DACH2: variants seen among roughly 807,000 people sequenced by gnomAD.
DACH2 encodes dachshund family transcription factor 2, also known as dachshund homolog 2.
In DACH2, 17 loss-of-function variants were observed where a neutral mutation model predicts 35.8. The ratio of observed to expected loss-of-function variants is 0.48; its 90% confidence interval spans 0.33 to 0.71. DACH2 has a LOEUF of 0.71. DACH2 is among the 30% of genes least tolerant of loss of function. DACH2 has a pLI of 0.02. For missense variants in DACH2, 469 were observed against 472.7 expected (o/e 0.99, Z 0.07); for synonymous variants, 195 against 177.3 (o/e 1.10, Z -0.79).
intron 7 of DACH2, among the ~76,000 whole-genome samples, chrX:86,808,815 A>T (rs767911741): frequency 1.3e-4 from 14 of 111,527 alleles, no homozygotes; most frequent in African/African-American, 4.5e-4. Context: ...CCTGTATCAC[A>T]ATCCTTAAAG....
intron 1 of DACH2, among the ~76,000 whole-genome samples, chrX:86,358,079 T>A (rs1189932190): frequency 2.7e-5 from 3 of 111,758 alleles, no homozygotes; most frequent in African/African-American, 9.8e-5. Flanking sequence ...ATCCTCCCTG[T>A]CATGTCCTCT....
At chrX:86,517,168 A>T (rs2038481091) in intron 3 of DACH2, among the ~76,000 whole-genome samples, 1 of 111,385 alleles carries the variant, frequency 9.0e-6, no homozygotes, top group African/African-American at 3.3e-5. Flanking sequence ...TTACACTTCC[A>T]CCAACAATGT....
intron 2 of DACH2, among the ~76,000 whole-genome samples, chrX:86,414,443 A>G (rs752722874): frequency 1.6e-4 from 18 of 110,891 alleles, no homozygotes; most frequent in Non-Finnish European, 3.4e-4. Context: ...CTATCTTGGG[A>G]TCCAATTATT....
intron 1 of DACH2, among the ~76,000 whole-genome samples, chrX:86,182,642 A>G (rs1217983339): frequency 9.0e-6 from 1 of 111,144 alleles, no homozygotes; most frequent in Non-Finnish European, 1.9e-5. Context: ...TTTGCTTCAA[A>G]TTTTCTTGGC....
At chrX:86,581,210 A>G (rs961719465) in intron 3 of DACH2, among the ~76,000 whole-genome samples, 4 of 112,057 alleles carry the variant, frequency 3.6e-5, no homozygotes, top group African/African-American at 1.3e-4. Flanking sequence ...TCTGCCTTCT[A>G]AGAGATCCTG....
rs776421613 is a variant in DACH2, at chrX:86,784,651, T to A, written c.1241-28205T>A. Among the ~76,000 whole-genome samples the A allele has an allele frequency of 9.8e-5, 11 of 112,045 alleles. No homozygotes were observed. The East Asian group carries it at 3.1e-3, about 32-fold the overall frequency. ...GGATATATGGCCAAAGGACTATAAA[T>A]CAGTCTATCATAAAGACACATGAGT... is the stretch of plus-strand genomic sequence containing the variant. On this transcript the variant is annotated intron_variant, in intron 7 of 11. Transcript: ENST00000373125.
chrX:86,595,333 A>G (rs751606481), intron 3 of DACH2, among the ~76,000 whole-genome samples: 1 of 110,981 alleles, frequency 9.0e-6, no homozygotes, highest in Admixed American at 9.7e-5. Flanking sequence ...AGCTGTTCTC[A>G]AACTTTTGGC....
chrX:86,403,304 A>C (rs1227769817), intron 2 of DACH2, among the ~76,000 whole-genome samples: 1 of 112,079 alleles, frequency 8.9e-6, no homozygotes, highest in Non-Finnish European at 1.9e-5. Context: ...GGTCTAATAT[A>C]CAGAATCTAT....
chrX:86,462,291 A>G (rs186683449), intron 2 of DACH2, among the ~76,000 whole-genome samples: 1 of 111,898 alleles, frequency 8.9e-6, no homozygotes, highest in African/African-American at 3.2e-5. Context: ...TATAAAACAA[A>G]TATTATTGTT....
intron 2 of DACH2, among the ~76,000 whole-genome samples, chrX:86,430,809 A>T (rs749568316): frequency 9.8e-5 from 11 of 112,220 alleles, no homozygotes; most frequent in Non-Finnish European, 1.9e-4. Flanking sequence ...TGCTCACGTA[A>T]CTCAAACCTA....
chrX:86,422,084 G>A (rs1475809896), intron 2 of DACH2, among the ~76,000 whole-genome samples: 1 of 111,303 alleles, frequency 9.0e-6, no homozygotes, highest in Admixed American at 9.6e-5. Flanking sequence ...AAATCTCAAT[G>A]TGTAAATATA....
intron 4 of DACH2, among the ~76,000 whole-genome samples, chrX:86,653,594 A>G (rs1462417309): frequency 1.9e-5 from 2 of 107,469 alleles, no homozygotes; most frequent in African/African-American, 3.4e-5. Flanking sequence ...TTCCCTCAGC[A>G]TTTGCTTGTC....
intron 4 of DACH2, among the ~76,000 whole-genome samples, chrX:86,691,999 A>T (rs779599633): frequency 1.8e-5 from 2 of 111,911 alleles, no homozygotes; most frequent in South Asian, 7.5e-4. Context: ...GCCGCTGAAC[A>T]TTCCAGATTG....
chrX:86,149,722 C>T (rs1156749522), intron 1 of DACH2, among the ~76,000 whole-genome samples: 1 of 112,553 alleles, frequency 8.9e-6, no homozygotes, highest in Non-Finnish European at 1.9e-5. Flanking sequence ...AACGTATGCT[C>T]ATGCTTGCTG....
chrX:86,265,038 G>T (rs914467295), intron 1 of DACH2, among the ~76,000 whole-genome samples: 2 of 111,129 alleles, frequency 1.8e-5, no homozygotes, highest in African/African-American at 6.5e-5. Flanking sequence ...CGTAATCTCC[G>T]TGGCCATTAG....
At chrX:86,161,276 A>C in intron 1 of DACH2, 1 of 1,191,496 alleles carries the variant, frequency 8.4e-7, no homozygotes, top group Non-Finnish European at 1.1e-6. Flanking sequence ...TCTTGGAGAT[A>C]CCAGCTTCAA....
intron 2 of DACH2, among the ~76,000 whole-genome samples, chrX:86,396,438 G>T (rs1358096599): frequency 1.0e-5 from 1 of 96,695 alleles, no homozygotes; most frequent in Non-Finnish European, 2.1e-5. Context: ...ATTGCTTTTG[G>T]TGTTTTAGAC....
chrX:86,651,064 G>A lies in DACH2; in HGVS notation c.669G>A (p.Ala223=), dbSNP rs764158493. ...TAACAGCTGCAGCGATGGCTGAGGC[G>A]ATGAAACTTCAGAAGATGAAGCTTA... The part of the protein sequence containing the change: ...TGITAAAMAE[A]MKLQKMKLMA... The change falls in exon 4 of 12, where the codon GCG becomes GCA. Residue 223 remains alanine (A), a synonymous_variant. Transcript: ENST00000373125. The A allele has an allele frequency of 4.2e-5, 51 of 1,205,120 alleles. No homozygotes were observed. Among genetic ancestry groups the A allele is most frequent in the Non-Finnish European group, 5.6e-5 (50 of 892,707 alleles).
intron 5 of DACH2, among the ~76,000 whole-genome samples, chrX:86,708,476 C>A (rs2041243859): frequency 9.0e-6 from 1 of 111,207 alleles, no homozygotes; most frequent in African/African-American, 3.3e-5. Flanking sequence ...CAACTGCTTT[C>A]TTGTATACCA....
Sources: allele counts gnomAD v4.1 joint callset (sites outside exome capture counted in the v4.1 genomes callset), GRCh38; gene constraint gnomAD v4.1.1; transcripts MANE v1.5; gene names NCBI Gene and HGNC (gene_info 2026-07-23, HGNC 2026-07-21).